DNAJC21: variants seen among roughly 807,000 people sequenced by gnomAD.
DNAJC21 encodes the protein DnaJ heat shock protein family (Hsp40) member C21.
Under a neutral mutation model 72.4 loss-of-function variants are expected in DNAJC21, and 63 were observed. The observed-to-expected ratio is 0.87, with a 90% confidence interval of 0.71 to 1.07. The LOEUF is 1.07. Among genes scored for constraint, DNAJC21 ranks in the 50% least tolerant of loss-of-function variants. The pLI, the probability that DNAJC21 is intolerant of heterozygous loss-of-function variation, is 0.00. For missense variants in DNAJC21, 634 were observed against 644.8 expected (o/e 0.98, Z 0.18); for synonymous variants, 203 against 216.7 (o/e 0.94, Z 0.56).
intron 1 of DNAJC21, 36 bp downstream of exon 1, chr5:34,929,952 G>T: frequency 6.6e-7 from 1 of 1,514,596 alleles, no homozygotes. Flanking sequence ...CGGCCACTCG[G>T]AGAAGCCCGG....
intron 4 of DNAJC21, among the ~76,000 whole-genome samples, chr5:34,936,854 G>A (rs149255003): frequency 6.6e-6 from 1 of 152,072 alleles, no homozygotes; most frequent in South Asian, 2.1e-4. Flanking sequence ...GGGTTCAAGC[G>A]ATTCTCCTGC....
intron 5 of DNAJC21, 88 bp downstream of exon 5, chr5:34,937,718 A>T: frequency 6.8e-7 from 1 of 1,464,272 alleles, no homozygotes; most frequent in Non-Finnish European, 9.2e-7. Context: ...TGTTGGGTTC[A>T]GTCATCAGCC....
chr5:34,931,147 C>A (rs1297001581), intron 1 of DNAJC21, among the ~76,000 whole-genome samples: 1 of 152,044 alleles, frequency 6.6e-6, no homozygotes, highest in Non-Finnish European at 1.5e-5. Flanking sequence ...AAGGAAAGGT[C>A]AGGGACCCAA....
chr5:34,950,874 C>G (rs751230662), intron 10 of DNAJC21: 64 of 985,498 alleles, frequency 6.5e-5, no homozygotes, highest in Non-Finnish European at 7.2e-5. Flanking sequence ...CAGTCCTGTT[C>G]TCTCCTTCCT....
chr5:34,937,729 T>C lies in DNAJC21; in HGVS notation c.743+99T>C, dbSNP rs533523354. 164 of 1,402,384 alleles carry C rather than the reference T, an allele frequency of 1.2e-4. 1 individual carries two copies. The African/African-American group carries it at 2.2e-3, about 19-fold the overall frequency. The allele number at this position is 1,402,384 out of a possible 1,614,324, so 86.9% of individuals were successfully genotyped here. Reference sequence around the variant, plus strand: ...TTCATGTTGGGTTCAGTCATCAGCCTGGCTTTATCCTGCTTTTTCTTCTTT... The same window carrying C: ...TTCATGTTGGGTTCAGTCATCAGCCCGGCTTTATCCTGCTTTTTCTTCTTT... On this transcript the variant is annotated intron_variant, in intron 5 of 11. Transcript: ENST00000648817.
At chr5:34,947,032 T>G (rs542035867) in intron 9 of DNAJC21, among the ~76,000 whole-genome samples, 1 of 152,278 alleles carries the variant, frequency 6.6e-6, no homozygotes, top group Non-Finnish European at 1.5e-5. Flanking sequence ...AAGCTCTTTT[T>G]GAAGGGAAGG....
intron 4 of DNAJC21, 73 bp from the exon 5 acceptor site, chr5:34,937,253 A>T: frequency 2.1e-6 from 3 of 1,449,130 alleles, no homozygotes; most frequent in Non-Finnish European, 2.8e-6. Flanking sequence ...GATGTTTCGC[A>T]TCAGTAATAT....
At position 34,957,092 on chromosome 5, in the gene DNAJC21, A is replaced by G. The variant is rs1392715144; in HGVS notation, c.*2378A>G. 1 of 152,222 alleles carries G rather than the reference A, an allele frequency of 6.6e-6. No individual in the cohort carries two copies. Among genetic ancestry groups the G allele is most frequent in the Non-Finnish European group, 1.5e-5 (1 of 68,040 alleles). 9.4% of individuals were successfully genotyped at this position (152,222 alleles called of 1,614,324 possible). A position where few individuals can be genotyped will look rare whatever the true frequency, so the allele number is the denominator to read the frequency against. On this transcript the variant is annotated 3_prime_UTR_variant, in exon 12 of 12. Transcript: ENST00000648817. ...TTATAGGAATTTGCTTCCTAAGTCT[A>G]CTTTTGAAGAGGAAAACAGGAACGT... is the stretch of plus-strand genomic sequence containing the variant.
intron 4 of DNAJC21, 137 bp downstream of exon 4, chr5:34,936,403 C>T: frequency 9.5e-7 from 1 of 1,048,960 alleles, no homozygotes. Context: ...ACAGCAGCCT[C>T]AAACTCCTGG....
Position 34,944,975 on chromosome 5 carries a change from T to C in DNAJC21, c.1092T>C (p.Asn364=). The change falls in exon 8 of 12, where the codon AAT becomes AAC. Residue 364 remains asparagine, a synonymous_variant. Coordinates refer to ENST00000648817, the MANE Select transcript of DNAJC21 (RefSeq NM_001012339.3). ...TTTCAAGACCTCAAATTGATGAAAA[T>C]CCATTAGATGACAATTCTGAGGAAG... ...ENFSRPQIDE[N]PLDDNSEEEM... is the part of the protein sequence containing the mutation. The C allele has an allele frequency of 1.2e-6, 2 of 1,614,000 alleles. No individual in the cohort carries two copies. Among genetic ancestry groups the C allele is most frequent in the Non-Finnish European group, 1.7e-6 (2 of 1,179,994 alleles).
intron 2 of DNAJC21, among the ~76,000 whole-genome samples, chr5:34,934,970 T>C (rs886945889): frequency 3.3e-5 from 5 of 152,232 alleles, no homozygotes; most frequent in Non-Finnish European, 5.9e-5. Context: ...TGAAATTCTT[T>C]CCTGACTTCC....
intron 1 of DNAJC21, among the ~76,000 whole-genome samples, chr5:34,932,213 G>A (rs1764622139): frequency 6.6e-6 from 1 of 152,104 alleles, no homozygotes; most frequent in South Asian, 2.1e-4. Flanking sequence ...CTGAGGTCAG[G>A]AGATGGAGAC....
At chr5:34,939,679 C>T (rs1456058082) in intron 6 of DNAJC21, among the ~76,000 whole-genome samples, 1 of 151,964 alleles carries the variant, frequency 6.6e-6, no homozygotes, top group Admixed American at 6.6e-5. Context: ...AATTCTTCCT[C>T]TCCCTTGTGA....
intron 10 of DNAJC21, chr5:34,951,786 A>G: frequency 1.0e-6 from 1 of 985,014 alleles, no homozygotes; most frequent in Non-Finnish European, 1.2e-6. Context: ...GGCCTACCAA[A>G]GTGCTGGGAT....
Position 34,937,257 on chromosome 5 carries a change from G to T in DNAJC21, c.439-69G>T. Reference sequence around the variant, plus strand: ...GAAAGGTAAAAGATGTTTCGCATCAGTAATATTTACTGCTTTTCTAAAAAA... The same window carrying T: ...GAAAGGTAAAAGATGTTTCGCATCATTAATATTTACTGCTTTTCTAAAAAA... On this transcript the variant is annotated intron_variant, in intron 4 of 11. Transcript: ENST00000648817. 12 of 1,476,570 alleles carry T rather than the reference G, an allele frequency of 8.1e-6. 1 individual carries two copies. Among genetic ancestry groups the T allele is most frequent in the Non-Finnish European group, 1.1e-5 (12 of 1,095,756 alleles). 91.5% of individuals were successfully genotyped at this position (1,476,570 alleles called of 1,614,324 possible). A position where few individuals can be genotyped will look rare whatever the true frequency, so the allele number is the denominator to read the frequency against.
At chr5:34,950,698 T>C (rs1765334343) in intron 10 of DNAJC21, 13 of 995,558 alleles carry the variant, frequency 1.3e-5, no homozygotes, top group Non-Finnish European at 1.6e-5. Flanking sequence ...GGAGTGTCAC[T>C]AAGCAAATCT....
intron 1 of DNAJC21, among the ~76,000 whole-genome samples, chr5:34,932,335 C>T (rs1339575472): frequency 3.3e-5 from 5 of 151,194 alleles, no homozygotes; most frequent in Non-Finnish European, 4.4e-5. Context: ...GCAGGAGAAT[C>T]GCTTGAACCC....
At position 34,941,192 on chromosome 5, in the gene DNAJC21, A is replaced by ATTAAT. The variant is rs779829856; in HGVS notation, c.983+27_983+31dup. The ATTAAT allele has an allele frequency of 9.3e-6, 15 of 1,611,068 alleles. No individual in the cohort carries two copies. Among genetic ancestry groups the ATTAAT allele is most frequent in the Non-Finnish European group, 1.1e-5 (13 of 1,177,766 alleles). The stretch of plus-strand genomic sequence containing the variant: ...TTCAAGACAGAAAAGGCGTAAGTTT[A>ATTAAT]TTAATTTAATTTAATTTAATTTTGA... On this transcript the variant is annotated intron_variant, in intron 7 of 11. Transcript: ENST00000648817.
chr5:34,933,471 C>T (rs957818797), intron 1 of DNAJC21, among the ~76,000 whole-genome samples: 6 of 152,214 alleles, frequency 3.9e-5, no homozygotes, highest in African/African-American at 1.4e-4. Flanking sequence ...CGGGGTTTCA[C>T]CATGTTGACC....
Sources: allele counts gnomAD v4.1 joint callset (sites outside exome capture counted in the v4.1 genomes callset), GRCh38; gene constraint gnomAD v4.1.1; transcripts MANE v1.5; gene names NCBI Gene and HGNC (gene_info 2026-07-23, HGNC 2026-07-21).